Variants in ZFHX3 observed in about 807,000 individuals in gnomAD.
The protein encoded by ZFHX3 is zinc finger homeobox protein 3.
ZFHX3 carries 42 observed loss-of-function variants against 279.1 expected under a neutral mutation model. The ratio of observed to expected loss-of-function variants is 0.15; its 90% CI spans 0.12 to 0.19. The LOEUF (loss-of-function observed/expected upper bound fraction) is 0.19. Among genes scored for constraint, ZFHX3 ranks in the 10% least tolerant of loss-of-function variants. ZFHX3 has a pLI of 1.00. For missense variants in ZFHX3, 4,981 were observed against 4,754.0 expected (o/e 1.05, Z -1.40); for synonymous variants, 2,293 against 1,957.8 (o/e 1.17, Z -4.52).
rs142591772 is a variant in ZFHX3 at position 72,960,125 on chromosome 16, G to A, written c.21C>T (p.Pro7=). 231 of 1,586,752 alleles carry A rather than the reference G, an allele frequency of 1.5e-4. 1 individual carries two copies. The highest frequency in any genetic ancestry group is 1.1e-4 in the African/African-American group (8 of 74,266). Residue 7 remains proline (P), a synonymous_variant, in exon 2 of 10, where the codon CCC becomes CCT. Coordinates refer to ENST00000268489, the MANE Select transcript of ZFHX3 (RefSeq NM_006885.4). The part of the protein sequence containing the change: MEGCDS[P]VVSGKDNGCG... ...ACCCATTGTCCTTCCCCGAGACGAC[G>A]GGCGAGTCACAGCCTTCCATGGTAA...
intron 2 of ZFHX3, among the ~76,000 whole-genome samples, chr16:73,521,516 G>A (rs538794306): frequency 1.3e-5 from 2 of 152,176 alleles, no homozygotes; most frequent in African/African-American, 2.4e-5. Context: ...AGGTAGGGTG[G>A]TGATGTCTCT....
intron 3 of ZFHX3, among the ~76,000 whole-genome samples, chr16:73,342,439 G>A (rs1400419861): frequency 6.6e-6 from 1 of 152,182 alleles, no homozygotes; most frequent in African/African-American, 2.4e-5. Context: ...ACGAATAGAA[G>A]ACTGGTTGGA....
intron 5 of ZFHX3, among the ~76,000 whole-genome samples, chr16:73,193,953 T>C (rs1464763213): frequency 6.6e-6 from 1 of 152,232 alleles, no homozygotes; most frequent in African/African-American, 2.4e-5. Flanking sequence ...TTGTGGTCCA[T>C]GCAGTGATGA....
At chr16:73,792,858 C>A (rs969014819) in intron 1 of ZFHX3, among the ~76,000 whole-genome samples, 5 of 138,344 alleles carry the variant, frequency 3.6e-5, no homozygotes, top group South Asian at 2.7e-4. Flanking sequence ...TACAGTGCAC[C>A]CCCCCCCTCC....
At chr16:73,538,644 T>C (rs2019951695) in intron 2 of ZFHX3, among the ~76,000 whole-genome samples, 1 of 152,182 alleles carries the variant, frequency 6.6e-6, no homozygotes, top group Non-Finnish European at 1.5e-5. Flanking sequence ...GCCTCGTTTC[T>C]TGCGCAGCCC....
chr16:73,381,869 T>C (rs6564138), intron 3 of ZFHX3, among the ~76,000 whole-genome samples: 130,283 of 152,270 alleles, frequency 0.86, 56,106 homozygotes, highest in African/African-American at 0.9. Context: ...CATCCCGGGC[T>C]GCATGCAACC....
chr16:73,154,201 C>A (rs1044079621), intron 5 of ZFHX3, among the ~76,000 whole-genome samples: 1 of 152,198 alleles, frequency 6.6e-6, no homozygotes, highest in Non-Finnish European at 1.5e-5. Context: ...TTGGCATCCA[C>A]GTGACATGGC....
upstream of ZFHX3, among the ~76,000 whole-genome samples, chr16:73,064,401 C>T (rs1965721133): frequency 6.6e-6 from 1 of 152,088 alleles, no homozygotes; most frequent in African/African-American, 2.4e-5. Context: ...CTTCTGAGCC[C>T]TGCCGCCCCT....
intron 3 of ZFHX3, among the ~76,000 whole-genome samples, chr16:73,446,475 C>A (rs946527964): frequency 6.6e-6 from 1 of 152,146 alleles, no homozygotes; most frequent in Admixed American, 6.5e-5. Flanking sequence ...ATGGTGAGAA[C>A]AGCATGGGGA....
intron 3 of ZFHX3, among the ~76,000 whole-genome samples, chr16:72,927,588 T>C (rs567253608): frequency 6.6e-6 from 1 of 152,294 alleles, no homozygotes; most frequent in South Asian, 2.1e-4. Flanking sequence ...TCAAAGGCAG[T>C]GGCCTTCCCA....
At chr16:73,150,767 C>G (rs1029638706) in intron 5 of ZFHX3, among the ~76,000 whole-genome samples, 2 of 152,184 alleles carry the variant, frequency 1.3e-5, no homozygotes, top group Admixed American at 6.5e-5. Context: ...CTGTATACAT[C>G]TTTGTATCTC....
chr16:73,803,297 G>A (rs1960189067), intron 1 of ZFHX3, among the ~76,000 whole-genome samples: 1 of 152,184 alleles, frequency 6.6e-6, no homozygotes. Flanking sequence ...CAGTGTTGAG[G>A]TATGTTCAGT....
At chr16:73,058,237 G>A (rs1217676598) in intron 1 of ZFHX3, among the ~76,000 whole-genome samples, 1 of 145,418 alleles carries the variant, frequency 6.9e-6, no homozygotes, top group African/African-American at 2.5e-5. Flanking sequence ...GGCGGCCCGG[G>A]CTCGGCGGCG....
At position 73,249,933 on chromosome 16, in the gene ZFHX3, G is replaced by A. The variant is rs147561979; in HGVS notation, c.-1104+7114C>T. ...GACCATTCCCGCAACTACCACCTTG[G>A]CCAACATTGAAGTCTCACAATAACA... On this transcript the variant is annotated intron_variant, in intron 5 of 17. Transcript: ENST00000641206. Among the ~76,000 whole-genome samples the A allele has an allele frequency of 4.4e-3, 671 of 152,042 alleles. 5 individuals carry two copies. The highest frequency in any genetic ancestry group is 0.015 in the African/African-American group (630 of 41,456).
intron 5 of ZFHX3, among the ~76,000 whole-genome samples, chr16:73,159,476 C>T (rs1051450661): frequency 1.3e-5 from 2 of 152,038 alleles, no homozygotes; most frequent in African/African-American, 4.8e-5. Context: ...CCTTTGGAGC[C>T]CTGAGGCCAC....
chr16:73,704,361 G>A (rs2053283494), intron 1 of ZFHX3, among the ~76,000 whole-genome samples: 1 of 152,114 alleles, frequency 6.6e-6, no homozygotes, highest in Non-Finnish European at 1.5e-5. Flanking sequence ...ACAAGAAATT[G>A]CTCTTACAGA....
At chr16:73,161,150 A>AT (rs960657791) in intron 5 of ZFHX3, among the ~76,000 whole-genome samples, 16 of 151,824 alleles carry the variant, frequency 1.1e-4, no homozygotes, top group Non-Finnish European at 1.5e-4. Context: ...TCTTTTAAAC[A>AT]TTTTTTTGTA....
At chr16:73,765,487 G>T (rs2053922125) in intron 1 of ZFHX3, among the ~76,000 whole-genome samples, 1 of 152,352 alleles carries the variant, frequency 6.6e-6, no homozygotes, top group Non-Finnish European at 1.5e-5. Context: ...AGAAAGAATT[G>T]TGAGGCTAGT....
At chr16:72,843,513 TAAAA>T (rs59007764) in intron 4 of ZFHX3, among the ~76,000 whole-genome samples, 133 of 39,430 alleles carry the variant, frequency 3.4e-3, no homozygotes, top group Non-Finnish European at 4.5e-3. Context: ...AGACTCCGTC[TAAAA>T]AAAAAAAAAA....
Sources: allele counts gnomAD v4.1 joint callset (sites outside exome capture counted in the v4.1 genomes callset), GRCh38; gene constraint gnomAD v4.1.1; transcripts MANE v1.5; gene names NCBI Gene and HGNC (gene_info 2026-07-23, HGNC 2026-07-21).